The following NUGGC variants were observed in gnomAD, a reference collection of about 807,000 sequenced individuals.
NUGGC encodes the protein nuclear GTPase, germinal center associated.
A neutral mutation model predicts 92.6 loss-of-function variants in NUGGC; 58 were observed. The ratio of observed to expected loss-of-function variants is 0.63; its 90% CI spans 0.51 to 0.78. NUGGC has a LOEUF of 0.78. Among genes scored for constraint, NUGGC ranks in the 30% least tolerant of loss-of-function variants. NUGGC has a pLI of 0.00. For synonymous variants in NUGGC, 376 were observed against 366.4 expected (o/e 1.03, Z -0.30); for missense variants, 925 against 964.6 (o/e 0.96, Z 0.54).
rs377064424 is a variant in NUGGC, at chr8:28,049,189, G to A, written c.1207-1577C>T. Among the ~76,000 whole-genome samples, 133 of 152,310 alleles carry A rather than the reference G, an allele frequency of 8.7e-4. 3 individuals are homozygous for A. In the South Asian group the frequency reaches 0.012, roughly 14 times the overall value. On this transcript the variant is annotated intron_variant, in intron 10 of 18. Transcript: ENST00000413272. ...CGTGTCCCTGGCAAGCTATAAGCACGTGTAGTTAAGGCTGGAATACGGATA... is the reference window on the plus strand; with the variant it reads ...CGTGTCCCTGGCAAGCTATAAGCACATGTAGTTAAGGCTGGAATACGGATA...
Position 28,045,622 on chromosome 8 carries a change from A to G in NUGGC, c.1351T>C (p.Leu451=). Residue 451 remains leucine (L), a synonymous_variant, in exon 12 of 19, where the codon TTG becomes CTG. Transcript: ENST00000413272. ...KLREYIRKSL[L]DKKKRTVTKY... ...GTCACTGTCCTCTTCTTCTTGTCCA[A>G]GAGGCTCTTCCTGATGTATTCTCTT... 6.2e-7 allele frequency: 1 copy of G among 1,613,294 alleles called. No homozygotes were observed. Among genetic ancestry groups the G allele is most frequent in the Non-Finnish European group, 8.5e-7 (1 of 1,179,762 alleles).
intron 18 of NUGGC, among the ~76,000 whole-genome samples, chr8:28,025,810 T>C (rs1474235689): frequency 6.6e-6 from 1 of 152,190 alleles, no homozygotes; most frequent in Non-Finnish European, 1.5e-5. Context: ...GATCTGTTCA[T>C]TGCAGCAGGC....
chr8:28,075,492 A>G (rs1350016462), intron 1 of NUGGC, among the ~76,000 whole-genome samples: 1 of 152,190 alleles, frequency 6.6e-6, no homozygotes. Flanking sequence ...ATCTCCACCC[A>G]TAGAGAAGAA....
chr8:28,064,843 G>T (rs551599512), intron 6 of NUGGC, 112 bp from the exon 7 acceptor site: 2 of 847,838 alleles, frequency 2.4e-6, no homozygotes, highest in South Asian at 1.6e-5. Flanking sequence ...TAAGAAGTGC[G>T]TCCAACAGGA....
rs1436380408 is a variant in NUGGC at position 28,033,548 on chromosome 8, G to C, written c.1761C>G (p.Ser587Arg). The C allele has an allele frequency of 6.2e-7, 1 of 1,612,694 alleles. No individual in the cohort carries two copies. Among genetic ancestry groups the C allele is most frequent in the East Asian group, 2.2e-5 (1 of 44,880 alleles). Residue 587 changes from serine (S) to arginine (R), a missense_variant, in exon 14 of 19, where the codon AGC becomes AGG. Ser to Arg is a moderately radical substitution (Grantham distance 110). Transcript: ENST00000413272. ...GATGAGAGATCCTTTACCTAAAAAT[G>C]CTTCCAAAAACAGGGTCGATCTGGT... ...VYDQIDPVFG[S>R]IFRTGKPTGS...
chr8:28,041,007 A>G, intron 13 of NUGGC, 44 bp downstream of exon 13: 1 of 1,538,716 alleles, frequency 6.5e-7, no homozygotes, highest in Non-Finnish European at 8.8e-7. Context: ...GGGATCGGGC[A>G]GGCCTCCTGG....
At position 28,060,177 on chromosome 8, in the gene NUGGC, C is replaced by G. The variant is rs1011762286; in HGVS notation, c.1097+249G>C. 6 of 626,114 alleles carry G rather than the reference C, an allele frequency of 9.6e-6. No individual in the cohort carries two copies. The African/African-American group carries it at 1.1e-4, about 11-fold the overall frequency. The allele number at this position is 626,114 out of a possible 1,614,324, so 38.8% of individuals were successfully genotyped here. A position where few individuals can be genotyped will look rare whatever the true frequency, so the allele number is the denominator to read the frequency against. On this transcript the variant is annotated intron_variant, in intron 8 of 18. Coordinates refer to ENST00000413272, the MANE Select transcript of NUGGC (RefSeq NM_001010906.2). Reference sequence around the variant, plus strand: ...TGCATCTGGTACATGTGAGTGGCACCCCCAGAGCTGTGTAGGGGACACCAG... The same window carrying G: ...TGCATCTGGTACATGTGAGTGGCACGCCCAGAGCTGTGTAGGGGACACCAG...
At chr8:28,026,859 A>G (rs1809276124) in intron 18 of NUGGC, 103 bp downstream of exon 18, 1 of 801,288 alleles carries the variant, frequency 1.2e-6, no homozygotes, top group Non-Finnish European at 2.2e-6. Context: ...CCTAACTTAA[A>G]TTCCTAAAAT....
rs774374951 is a variant in NUGGC at position 28,026,943 on chromosome 8, A to AGGTGT, written c.2245+18_2245+19insACACC. ...CTGTCTGCACAATCACCCTGTATAC[A>AGGTGT]AAGCTTTGGCGTATTTACCTGCAAG... On this transcript the variant is annotated intron_variant, in intron 18 of 18. Coordinates refer to ENST00000413272, the MANE Select transcript of NUGGC (RefSeq NM_001010906.2). The AGGTGT allele has an allele frequency of 1.3e-6, 2 of 1,560,630 alleles. No homozygotes were observed. The highest frequency in any genetic ancestry group is 2.2e-5 in the South Asian group (2 of 90,022).
chr8:28,027,390 T>C (rs889088352), intron 17 of NUGGC, among the ~76,000 whole-genome samples: 2 of 152,100 alleles, frequency 1.3e-5, no homozygotes, highest in African/African-American at 2.4e-5. Context: ...ATCACAGAGA[T>C]GGAAAAAGAG....
intron 12 of NUGGC, among the ~76,000 whole-genome samples, chr8:28,044,561 G>A (rs949577887): frequency 6.6e-5 from 10 of 152,180 alleles, no homozygotes; most frequent in Admixed American, 2.0e-4. Flanking sequence ...TGGTTTTCCC[G>A]GTTGGTAGTA....
rs117373746 is a variant in NUGGC, at chr8:28,053,681, C to T, written c.1206+2284G>A. Among the ~76,000 whole-genome samples, 56 of 152,276 alleles carry T rather than the reference C, an allele frequency of 3.7e-4. No homozygotes were observed. In the East Asian group the frequency reaches 0.01, roughly 27 times the overall value. ...AAACTGATGTATTGCTGCCCAGGCC[C>T]TAACTCATACAAACCAATTCGGCAT... is the stretch of plus-strand genomic sequence containing the variant. On this transcript the variant is annotated intron_variant, in intron 10 of 18. Coordinates refer to ENST00000413272, the MANE Select transcript of NUGGC (RefSeq NM_001010906.2).
Position 28,068,355 on chromosome 8 carries a change from C to T in NUGGC, c.341G>A (p.Ser114Asn), listed in dbSNP as rs1235529302. ...CTGGATGATGGCATTGATCAGGGAG[C>T]TCTTCCCAGCCCCAGTGCTTCCAAA... Reference protein sequence around the residue: ...ALFGSTGAGKSSLINAIIQQA... With the variant: ...ALFGSTGAGKNSLINAIIQQA... Residue 114 changes from serine to asparagine, a missense_variant, in exon 5 of 19, where the codon AGC becomes AAC. By Grantham distance (46) the Ser-to-Asn change is conservative. Transcript: ENST00000413272. 3.2e-6 allele frequency: 5 copies of T among 1,576,546 alleles called. 1 individual carries two copies. In the South Asian group the frequency reaches 4.7e-5, roughly 15 times the overall value.
At chr8:28,027,917 C>T (rs912473990) in intron 17 of NUGGC, among the ~76,000 whole-genome samples, 1 of 152,162 alleles carries the variant, frequency 6.6e-6, no homozygotes, top group African/African-American at 2.4e-5. Flanking sequence ...CAACAAAATA[C>T]TATTCCATTC....
chr8:28,047,061 C>T (rs1391923707), intron 11 of NUGGC, among the ~76,000 whole-genome samples: 1 of 152,004 alleles, frequency 6.6e-6, no homozygotes, highest in African/African-American at 2.4e-5. Flanking sequence ...ACCTCTGCCT[C>T]CCGGGTTCAA....
intron 3 of NUGGC, 30 bp from the exon 4 acceptor site, chr8:28,069,682 G>A (rs1255913488): frequency 7.9e-7 from 1 of 1,269,304 alleles, no homozygotes; most frequent in Non-Finnish European, 1.2e-6. Flanking sequence ...GTCACCTGCA[G>A]GTACCTGGCA....
At chr8:28,064,479 G>C (rs1810386505) in intron 7 of NUGGC, 43 bp downstream of exon 7, 2 of 1,494,314 alleles carry the variant, frequency 1.3e-6, no homozygotes, top group Non-Finnish European at 1.9e-6. Context: ...AAAGGGTAGA[G>C]GAGTTTAGGG....
At chr8:28,024,335 G>A (rs978103478) in intron 18 of NUGGC, among the ~76,000 whole-genome samples, 9 of 151,284 alleles carry the variant, frequency 5.9e-5, no homozygotes, top group South Asian at 2.1e-4. Flanking sequence ...ATGAGCCACC[G>A]TGCCCGGCCA....
rs1305339072 is a variant in NUGGC, at chr8:28,067,658, C to T, written c.567G>A (p.Arg189=). The change falls in exon 6 of 19, where the codon AGG becomes AGA. Residue 189 remains arginine, a synonymous_variant. Transcript: ENST00000413272. ...LSREEADAWN[R]DEAVEEATWK... ...AGGTGGCTTCCTCCACTGCCTCATC[C>T]CTGTTCCACGCATCTGCCTCTTCTC... The T allele has an allele frequency of 2.5e-6, 4 of 1,614,010 alleles. No individual in the cohort carries two copies. The highest frequency in any genetic ancestry group is 3.4e-6 in the Non-Finnish European group (4 of 1,179,850).
Sources: allele counts gnomAD v4.1 joint callset (sites outside exome capture counted in the v4.1 genomes callset), GRCh38; gene constraint gnomAD v4.1.1; transcripts MANE v1.5; gene names NCBI Gene and HGNC (gene_info 2026-07-23, HGNC 2026-07-21).